KLF12: variants seen among roughly 807,000 people sequenced by gnomAD.
The protein encoded by KLF12 is Krueppel-like factor 12.
Under a neutral mutation model 37.8 loss-of-function variants are expected in KLF12, and 9 were observed. The ratio of observed to expected loss-of-function variants is 0.24; its 90% CI spans 0.14 to 0.42. The LOEUF is 0.42. KLF12 is among the 10% of genes least tolerant of loss of function. The pLI is 1.00. For missense variants in KLF12, 411 were observed against 516.0 expected, an observed-to-expected ratio of 0.80 and a Z score of 1.97; for synonymous variants, 208 against 202.1, an observed-to-expected ratio of 1.03 and a Z score of -0.25.
chr13:74,242,076 A>T, the KLF12 span, among the ~76,000 whole-genome samples: 19 of 152,366 alleles, frequency 1.2e-4, no homozygotes, highest in Non-Finnish European at 2.4e-4. Context: ...CATGATCATT[A>T]CTTAATTCCC....
At chr13:73,988,834 CT>C (rs1437480773) in intron 2 of KLF12, among the ~76,000 whole-genome samples, 1 of 152,208 alleles carries the variant, frequency 6.6e-6, no homozygotes, top group Non-Finnish European at 1.5e-5. Flanking sequence ...ATAAAAACAG[CT>C]ATTTTAATGA....
chr13:74,174,864 G>C, the KLF12 span, among the ~76,000 whole-genome samples: 1 of 152,156 alleles, frequency 6.6e-6, no homozygotes, highest in African/African-American at 2.4e-5. Context: ...TTTGATTTAA[G>C]GAGAAATTGA....
At chr13:74,153,076 T>C in the KLF12 span, among the ~76,000 whole-genome samples, 5 of 152,120 alleles carry the variant, frequency 3.3e-5, no homozygotes, top group Non-Finnish European at 7.3e-5. Flanking sequence ...TTAACATATA[T>C]GTTGGGTTTA....
chr13:74,150,982 G>A, the KLF12 span, among the ~76,000 whole-genome samples: 1 of 152,198 alleles, frequency 6.6e-6, no homozygotes, highest in Admixed American at 6.5e-5. Flanking sequence ...TATTTTCAAT[G>A]ACTTTGATTC....
intron 3 of KLF12, among the ~76,000 whole-genome samples, chr13:73,940,628 T>G (rs956457882): frequency 1.3e-5 from 2 of 152,238 alleles, no homozygotes; most frequent in Non-Finnish European, 2.9e-5. Context: ...TTTTTCACCA[T>G]GCTAATTATA....
At chr13:73,750,482 G>A (rs187149959) in intron 6 of KLF12, among the ~76,000 whole-genome samples, 26 of 152,268 alleles carry the variant, frequency 1.7e-4, no homozygotes, top group African/African-American at 6.0e-4. Context: ...GGCTTGAGGA[G>A]AAGGTGGAAA....
chr13:74,250,357 T>C, the KLF12 span, among the ~76,000 whole-genome samples: 1 of 152,132 alleles, frequency 6.6e-6, no homozygotes, highest in African/African-American at 2.4e-5. Flanking sequence ...CTTGAAATCA[T>C]GCAAAAGGTC....
chr13:73,872,742 C>T lies in KLF12; in HGVS notation c.124-26369G>A, dbSNP rs1410576092. The stretch of plus-strand genomic sequence containing the variant: ...ATCTGCTCTTAAAATTTTTTAATAC[C>T]TCACTTAGCTAAGACAGGCTCATAC... On this transcript the variant is annotated intron_variant, in intron 3 of 7. Transcript: ENST00000377669. Among the ~76,000 whole-genome samples, 3 of 152,144 alleles carry T rather than the reference C, an allele frequency of 2.0e-5. No homozygotes were observed. In the East Asian group the frequency reaches 5.8e-4, roughly 29 times the overall value.
intron 4 of KLF12, among the ~76,000 whole-genome samples, chr13:73,842,766 C>T (rs1357132228): frequency 1.3e-5 from 2 of 152,128 alleles, no homozygotes; most frequent in Non-Finnish European, 2.9e-5. Context: ...AATACACATC[C>T]GAAGTAGGAA....
intron 3 of KLF12, among the ~76,000 whole-genome samples, chr13:73,894,734 T>C (rs1887679030): frequency 6.6e-6 from 1 of 152,214 alleles, no homozygotes; most frequent in Admixed American, 6.5e-5. Context: ...GCTAGGAGGT[T>C]GTTGGCTTAT....
intron 5 of KLF12, among the ~76,000 whole-genome samples, chr13:73,805,662 AAGGAAG>A (rs1566380426): frequency 8.1e-5 from 3 of 37,216 alleles, no homozygotes; most frequent in Admixed American, 3.2e-4. Context: ...GGAAGGAAGG[AAGGAAG>A]GAAGGAAGGA....
At chr13:74,085,044 A>C (rs953387330) in intron 1 of KLF12, among the ~76,000 whole-genome samples, 2 of 152,208 alleles carry the variant, frequency 1.3e-5, no homozygotes, top group African/African-American at 4.8e-5. Context: ...TTAAACAAGC[A>C]AGCCAAGGGA....
intron 3 of KLF12, among the ~76,000 whole-genome samples, chr13:73,922,508 T>C (rs1428975284): frequency 1.3e-5 from 2 of 152,200 alleles, no homozygotes; most frequent in Non-Finnish European, 2.9e-5. Flanking sequence ...TAAGATTTTA[T>C]ACAATTTGTT....
the KLF12 span, among the ~76,000 whole-genome samples, chr13:74,158,006 AC>A: frequency 2.0e-5 from 3 of 152,132 alleles, no homozygotes; most frequent in Non-Finnish European, 4.4e-5. Context: ...GCTTATTCTC[AC>A]GCAAATTTAA....
chr13:74,020,431 A>G (rs1238337615), intron 1 of KLF12, among the ~76,000 whole-genome samples: 2 of 152,252 alleles, frequency 1.3e-5, no homozygotes, highest in African/African-American at 2.4e-5. Flanking sequence ...ACGAATAGGA[A>G]GCTTGACAAA....
At chr13:74,242,814 ACATATTACAG>A in the KLF12 span, among the ~76,000 whole-genome samples, 1 of 152,184 alleles carries the variant, frequency 6.6e-6, no homozygotes, top group Non-Finnish European at 1.5e-5. Context: ...ACATGCAGAG[ACATATTACAG>A]CAAGGTGAGG....
chr13:73,843,468 T>C (rs980723316), intron 4 of KLF12, among the ~76,000 whole-genome samples: 1 of 152,070 alleles, frequency 6.6e-6, no homozygotes, highest in African/African-American at 2.4e-5. Flanking sequence ...CCACCACCCC[T>C]GGCTAATTTT....
At chr13:73,721,315 A>G (rs1398069476) in intron 6 of KLF12, among the ~76,000 whole-genome samples, 1 of 152,142 alleles carries the variant, frequency 6.6e-6, no homozygotes, top group Non-Finnish European at 1.5e-5. Context: ...TTACAAACCA[A>G]CATATGATAG....
intron 1 of KLF12, among the ~76,000 whole-genome samples, chr13:74,115,680 G>A (rs578117271): frequency 5.5e-5 from 8 of 145,342 alleles, no homozygotes; most frequent in African/African-American, 1.5e-4. Context: ...ACTCCAGCCT[G>A]GGCGACAGAG....
Sources: allele counts gnomAD v4.1 joint callset (sites outside exome capture counted in the v4.1 genomes callset), GRCh38; gene constraint gnomAD v4.1.1; transcripts MANE v1.5; gene names NCBI Gene and HGNC (gene_info 2026-07-23, HGNC 2026-07-21).